The following TTC39B variants were observed in gnomAD, a reference collection of about 807,000 sequenced individuals.
TTC39B encodes tetratricopeptide repeat domain 39B, also known as tetratricopeptide repeat protein 39B.
In TTC39B, 92 loss-of-function variants were observed where a neutral mutation model predicts 96.6. The observed-to-expected ratio is 0.95, with a 90% CI of 0.80 to 1.13. TTC39B has a LOEUF of 1.13. Among genes scored for constraint, TTC39B ranks in the 50% most tolerant of loss-of-function variants. The pLI is 0.00. For synonymous variants in TTC39B, 367 were observed against 299.4 expected, an observed-to-expected ratio of 1.23 and a Z score of -2.33; for missense variants, 955 against 809.3, an observed-to-expected ratio of 1.18 and a Z score of -2.18.
At chr9:15,233,798 C>T (rs899059327) in intron 2 of TTC39B, among the ~76,000 whole-genome samples, 2 of 151,614 alleles carry the variant, frequency 1.3e-5, no homozygotes, top group Admixed American at 6.6e-5. Flanking sequence ...AAGTGAGGAG[C>T]GTCTCTGCCT....
At chr9:15,192,842 T>G in intron 8 of TTC39B, 147 bp from the exon 9 acceptor site, 1 of 599,378 alleles carries the variant, frequency 1.7e-6, no homozygotes, top group Non-Finnish European at 2.9e-6. Flanking sequence ...GTGCTGAGTT[T>G]ACTCTTAAGG....
Position 15,172,060 on chromosome 9 carries a change from G to A in TTC39B, c.2008C>T (p.Gln670Ter). Residue 670 changes from glutamine to a stop codon, truncating the protein, a stop_gained, in exon 20 of 20, where the codon CAG (glutamine) becomes TAG (stop). Coordinates refer to ENST00000512701, the Ensembl canonical transcript of TTC39B. LOFTEE classifies it high-confidence loss of function. Reference sequence around the variant, plus strand: ...TTTCTCCAGAGGTGAAGAGCTGCCTGAATTCTGAAGTGTAGTCTGGACTCC... The same window carrying A: ...TTTCTCCAGAGGTGAAGAGCTGCCTAAATTCTGAAGTGTAGTCTGGACTCC... 3.7e-6 allele frequency: 6 copies of A among 1,612,906 alleles called. No homozygotes were observed. Among genetic ancestry groups the A allele is most frequent in the Non-Finnish European group, 5.1e-6 (6 of 1,179,172 alleles).
chr9:15,177,739 C>T (rs576608143), exon 18 of TTC39B: 7 of 1,613,408 alleles, frequency 4.3e-6, no homozygotes, highest in South Asian at 1.1e-5. Context: ...TTGCAAGGGC[C>T]GCTGTAAGTT....
chr9:15,253,096 A>G (rs550564787), intron 2 of TTC39B, among the ~76,000 whole-genome samples: 130 of 152,332 alleles, frequency 8.5e-4, no homozygotes, highest in African/African-American at 3.0e-3. Context: ...GTTCCACCCC[A>G]CATGCTATTT....
Position 15,177,829 on chromosome 9 carries a change from C to T in TTC39B, c.1724-15G>A, listed in dbSNP as rs781039379. On this transcript the variant is annotated splice_polypyrimidine_tract_variant and intron_variant, in intron 17 of 19. Transcript: ENST00000512701. ...GCTGTTAAAATCTTAAAACAAAAAA[C>T]ATACAAAGAAAACACACAAAGAAAA... The T allele has an allele frequency of 5.6e-6, 7 of 1,259,450 alleles. No individual in the cohort carries two copies. In the East Asian group the frequency reaches 1.3e-4, roughly 23 times the overall value. The allele number at this position is 1,259,450 out of a possible 1,614,324, so 78.0% of individuals were successfully genotyped here.
intron 3 of TTC39B, among the ~76,000 whole-genome samples, chr9:15,215,860 T>C (rs181783810): frequency 2.1e-3 from 316 of 152,190 alleles, no homozygotes; most frequent in Middle Eastern, 6.8e-3. Context: ...CGAGACGCTA[T>C]CTCAAAAACT....
intron 15 of TTC39B, 25 bp from the exon 16 acceptor site, chr9:15,185,431 C>A (rs772439662): frequency 1.3e-5 from 21 of 1,612,222 alleles, no homozygotes; most frequent in Non-Finnish European, 1.7e-5. Flanking sequence ...AGCCCAGCCC[C>A]AGAGAAAGGT....
At chr9:15,166,331 T>A (rs1433439561) in exon 20 of TTC39B, 2 of 152,200 alleles carry the variant, frequency 1.3e-5, no homozygotes, top group Non-Finnish European at 2.9e-5. Context: ...TAAACACATA[T>A]CATGGGTACA....
chr9:15,289,302 A>C lies in TTC39B; in HGVS notation c.240+17782T>G, dbSNP rs138444883. 5.8e-4 allele frequency among the ~76,000 whole-genome samples: 88 copies of C among 152,156 alleles called. No individual in the cohort carries two copies. In the East Asian group the frequency reaches 0.014, roughly 23 times the overall value. On this transcript the variant is annotated intron_variant, in intron 1 of 19. Transcript: ENST00000512701. ...ATGGCTAGTTGCAGTATTTTAAATA[A>C]TCTTATTATGATTCTTTCCTGCTCT...
chr9:15,173,932 T>A (rs1454110702), intron 19 of TTC39B, among the ~76,000 whole-genome samples: 1 of 152,172 alleles, frequency 6.6e-6, no homozygotes, highest in Non-Finnish European at 1.5e-5. Flanking sequence ...GAAAGCATCA[T>A]CATTGACCCA....
At chr9:15,203,038 A>G (rs918180095) in intron 7 of TTC39B, among the ~76,000 whole-genome samples, 2 of 152,144 alleles carry the variant, frequency 1.3e-5, no homozygotes, top group Non-Finnish European at 2.9e-5. Flanking sequence ...AGAATATAGA[A>G]AGAAGGGGAA....
chr9:15,279,892 CTT>C (rs1164750793), intron 1 of TTC39B, among the ~76,000 whole-genome samples: 5,301 of 101,526 alleles, frequency 0.052, 40 homozygotes, highest in African/African-American at 0.093. Flanking sequence ...TTTTTCTTTT[CTT>C]TTTTTTTTTT....
chr9:15,230,066 C>CTGATA (rs1821338949), intron 2 of TTC39B, among the ~76,000 whole-genome samples: 1 of 152,176 alleles, frequency 6.6e-6, no homozygotes, highest in Non-Finnish European at 1.5e-5. Context: ...TATCTGAACA[C>CTGATA]TGCACTGATA....
chr9:15,211,285 C>G, exon 5 of TTC39B: 1 of 1,564,448 alleles, frequency 6.4e-7, no homozygotes, highest in Non-Finnish European at 8.6e-7. Context: ...GTTTGTAAAG[C>G]GTCCTTCATG....
At chr9:15,261,472 CA>C (rs79635544) in intron 2 of TTC39B, among the ~76,000 whole-genome samples, 95,332 of 150,888 alleles carry the variant, frequency 0.63, 31,118 homozygotes, top group African/African-American at 0.8. Context: ...GAGATCCTAT[CA>C]AAAAAAAACA....
At chr9:15,206,066 A>G (rs1819832215) in intron 6 of TTC39B, among the ~76,000 whole-genome samples, 1 of 152,176 alleles carries the variant, frequency 6.6e-6, no homozygotes, top group South Asian at 2.1e-4. Context: ...AAAGATGAAC[A>G]AAGTTAAGAG....
rs573515764 is a variant in TTC39B at position 15,230,979 on chromosome 9, C to T, written c.276-4967G>A. The stretch of plus-strand genomic sequence containing the variant: ...CAGCCTGGGTGACAGAGTGAGACTC[C>T]ATCTCAGAAAAAAAAAAAAACAAAC... On this transcript the variant is annotated intron_variant, in intron 2 of 19. Coordinates refer to ENST00000512701, the Ensembl canonical transcript of TTC39B. Among the ~76,000 whole-genome samples the T allele has an allele frequency of 1.7e-3, 209 of 126,646 alleles. 1 individual carries two copies. The highest frequency in any genetic ancestry group is 6.5e-3 in the African/African-American group (201 of 30,990). The allele number at this position is 126,646 out of a possible 152,430, so 83.1% of individuals were successfully genotyped here. A position where few individuals can be genotyped will look rare whatever the true frequency, so the allele number is the denominator to read the frequency against.
chr9:15,270,242 C>G (rs941223391), intron 1 of TTC39B, among the ~76,000 whole-genome samples: 29 of 152,052 alleles, frequency 1.9e-4, no homozygotes, highest in Admixed American at 3.3e-4. Flanking sequence ...TATTAATCTA[C>G]ATTAATATCA....
At chr9:15,181,368 C>T (rs1818239296) in intron 17 of TTC39B, among the ~76,000 whole-genome samples, 1 of 152,106 alleles carries the variant, frequency 6.6e-6, no homozygotes, top group Non-Finnish European at 1.5e-5. Context: ...AAAAGAAATA[C>T]AACAAAGGCT....
Sources: gnomAD v4.1 joint callset for allele counts (sites outside exome capture counted in the v4.1 genomes callset) on GRCh38, gnomAD v4.1.1 for gene constraint, MANE v1.5 for transcripts, NCBI Gene and HGNC (gene_info 2026-07-23, HGNC 2026-07-21) for gene names.